HTR4: variants seen among roughly 807,000 people sequenced by gnomAD.
HTR4 encodes the protein 5-hydroxytryptamine (serotonin) receptor 4, G protein-coupled.
HTR4 carries 16 observed loss-of-function variants against 36.8 expected under a neutral mutation model. The observed-to-expected ratio is 0.43, with a 90% confidence interval of 0.29 to 0.66. The LOEUF is 0.66. Among genes scored for constraint, HTR4 ranks in the 30% least tolerant of loss-of-function variants. The pLI, the probability that HTR4 is intolerant of heterozygous loss-of-function variation, is 0.13. For missense variants in HTR4, 438 were observed against 490.9 expected, an observed-to-expected ratio of 0.89 and a Z score of 1.02; for synonymous variants, 189 against 185.1, an observed-to-expected ratio of 1.02 and a Z score of -0.17.
intron 1 of HTR4, among the ~76,000 whole-genome samples, chr5:148,638,792 T>C (rs890774072): frequency 6.6e-5 from 10 of 152,254 alleles, no homozygotes; most frequent in African/African-American, 2.2e-4. Context: ...CAGTAGCTCA[T>C]GCCTATAATC....
At chr5:148,457,279 A>G (rs919767152) in intron 5 of HTR4, among the ~76,000 whole-genome samples, 3 of 152,138 alleles carry the variant, frequency 2.0e-5, no homozygotes, top group Non-Finnish European at 4.4e-5. Context: ...ACATCTAATT[A>G]AAAAACACTG....
intron 2 of HTR4, among the ~76,000 whole-genome samples, chr5:148,556,354 T>C (rs1759952818): frequency 6.6e-6 from 1 of 152,216 alleles, no homozygotes; most frequent in African/African-American, 2.4e-5. Flanking sequence ...GCTTTTGCAC[T>C]GGTTTTGTTC....
intron 2 of HTR4, among the ~76,000 whole-genome samples, chr5:148,577,175 C>T (rs1239859188): frequency 6.6e-6 from 1 of 151,710 alleles, no homozygotes; most frequent in Non-Finnish European, 1.5e-5. Context: ...ATCCATTTTC[C>T]AAAAAAAGAC....
chr5:148,559,162 T>C (rs985952250), intron 2 of HTR4, among the ~76,000 whole-genome samples: 4 of 152,204 alleles, frequency 2.6e-5, no homozygotes, highest in African/African-American at 4.8e-5. Context: ...CTAGGTAAGA[T>C]GGTATCATAC....
chr5:148,460,426 G>A (rs957300927), intron 5 of HTR4, among the ~76,000 whole-genome samples: 2 of 151,836 alleles, frequency 1.3e-5, no homozygotes, highest in African/African-American at 4.8e-5. Flanking sequence ...GAGGAGCAAA[G>A]ATAAAAATTA....
chr5:148,484,298 C>A, intron 6 of HTR4: 1 of 1,613,646 alleles, frequency 6.2e-7, no homozygotes, highest in South Asian at 1.1e-5. Context: ...ATCTAATGCT[C>A]AATGTGCCTG....
Position 148,484,316 on chromosome 5 carries a change from AC to A in HTR4, c.1077-1024del, listed in dbSNP as rs1422142594. 3 of 1,613,350 alleles carry A rather than the reference AC, an allele frequency of 1.9e-6. No individual in the cohort carries two copies. In the East Asian group the frequency reaches 6.7e-5, roughly 36 times the overall value. ...TAATGCTCAATGTGCCTGAGAATGG[AC>A]CCGCTCTGGCAGGCTTTGTCCAATA... On this transcript the variant is annotated intron_variant, in intron 6 of 6. Transcript: ENST00000377888.
chr5:148,556,062 C>T (rs1282431924), intron 2 of HTR4, among the ~76,000 whole-genome samples: 2 of 152,080 alleles, frequency 1.3e-5, no homozygotes, highest in African/African-American at 4.8e-5. Context: ...CTTGCCCTGT[C>T]CCCCAAGCTG....
chr5:148,485,460 C>T (rs1252414499), intron 6 of HTR4, among the ~76,000 whole-genome samples: 2 of 152,120 alleles, frequency 1.3e-5, no homozygotes, highest in African/African-American at 2.4e-5. Context: ...TTTCTTTGTC[C>T]CACTATGGCA....
intron 2 of HTR4, among the ~76,000 whole-genome samples, chr5:148,606,522 TCCA>T (rs1752169821): frequency 6.6e-6 from 1 of 152,268 alleles, no homozygotes; most frequent in Admixed American, 6.5e-5. Flanking sequence ...GTGGCTTAAC[TCCA>T]CCAAAACTGA....
At chr5:148,609,121 C>A (rs1405679276) in intron 2 of HTR4, among the ~76,000 whole-genome samples, 3 of 151,978 alleles carry the variant, frequency 2.0e-5, no homozygotes, top group Non-Finnish European at 4.4e-5. Flanking sequence ...GAGTGGGGAC[C>A]CCCTCGTTGC....
intron 4 of HTR4, among the ~76,000 whole-genome samples, chr5:148,525,194 C>T (rs1319315068): frequency 6.6e-6 from 1 of 152,194 alleles, no homozygotes; most frequent in African/African-American, 2.4e-5. Flanking sequence ...TGGATTCCCT[C>T]CACACTGTTG....
At chr5:148,653,232 C>T (rs535081576) in intron 1 of HTR4, among the ~76,000 whole-genome samples, 1 of 152,268 alleles carries the variant, frequency 6.6e-6, no homozygotes, top group Admixed American at 6.5e-5. Flanking sequence ...AAACCTATAC[C>T]CTAAGAAACA....
At chr5:148,574,939 C>T (rs1760834687) in intron 2 of HTR4, among the ~76,000 whole-genome samples, 1 of 152,090 alleles carries the variant, frequency 6.6e-6, no homozygotes, top group African/African-American at 2.4e-5. Flanking sequence ...AGGAAGCAAG[C>T]ATGATAGGAT....
chr5:148,610,582 C>G (rs1336232746), intron 2 of HTR4, among the ~76,000 whole-genome samples: 1 of 152,036 alleles, frequency 6.6e-6, no homozygotes, highest in East Asian at 1.9e-4. Context: ...GGGGAAAAAA[C>G]AGAACAGAAA....
At chr5:148,492,073 A>T (rs919555507) in intron 6 of HTR4, among the ~76,000 whole-genome samples, 15 of 152,194 alleles carry the variant, frequency 9.9e-5, no homozygotes, top group African/African-American at 3.6e-4. Context: ...CACGTTGGGC[A>T]TTTCTGGAGC....
intron 5 of HTR4, among the ~76,000 whole-genome samples, chr5:148,451,776 GA>G (rs1754979663): frequency 6.6e-6 from 1 of 152,142 alleles, no homozygotes; most frequent in Middle Eastern, 3.2e-3. Context: ...TCAATTAGAT[GA>G]ATCAAACAGC....
At chr5:148,554,103 T>C (rs1759821518) in intron 2 of HTR4, among the ~76,000 whole-genome samples, 3 of 152,184 alleles carry the variant, frequency 2.0e-5, no homozygotes, top group African/African-American at 7.2e-5. Context: ...GAGATGGAGT[T>C]TTGCTCTTGT....
At chr5:148,531,459 T>G (rs1215628244) in intron 4 of HTR4, among the ~76,000 whole-genome samples, 1 of 152,210 alleles carries the variant, frequency 6.6e-6, no homozygotes, top group Non-Finnish European at 1.5e-5. Context: ...TTTCCCCTTC[T>G]GCCATGATTG....
Sources: gnomAD v4.1 joint callset for allele counts (sites outside exome capture counted in the v4.1 genomes callset) on GRCh38, gnomAD v4.1.1 for gene constraint, MANE v1.5 for transcripts, NCBI Gene and HGNC (gene_info 2026-07-23, HGNC 2026-07-21) for gene names.